The following POU6F2 variants were observed in gnomAD, a reference collection of about 807,000 sequenced individuals.
POU6F2 encodes POU domain, class 6, transcription factor 2.
In POU6F2, 31 loss-of-function variants were observed where a neutral mutation model predicts 71.3. The ratio of observed to expected loss-of-function variants is 0.43; its 90% CI spans 0.33 to 0.59. POU6F2 has a LOEUF of 0.59. Among genes scored for constraint, POU6F2 ranks in the 20% least tolerant of loss-of-function variants. The pLI, the probability that POU6F2 is intolerant of heterozygous loss-of-function variation, is 0.04. For synonymous variants in POU6F2, 347 were observed against 355.7 expected (o/e 0.98, Z 0.27); for missense variants, 783 against 856.8 (o/e 0.91, Z 1.07).
intron 2 of POU6F2, among the ~76,000 whole-genome samples, chr7:39,154,740 C>A (rs1792832780): frequency 6.6e-6 from 1 of 152,024 alleles, no homozygotes; most frequent in Non-Finnish European, 1.5e-5. Flanking sequence ...AAGATGACAA[C>A]TGGGGAAGAG....
chr7:39,118,700 AT>A (rs1562712717), intron 2 of POU6F2, among the ~76,000 whole-genome samples: 2 of 152,224 alleles, frequency 1.3e-5, no homozygotes, highest in East Asian at 3.8e-4. Flanking sequence ...GAACAGACAA[AT>A]GAGAAAGGGA....
intron 4 of POU6F2, among the ~76,000 whole-genome samples, chr7:39,275,743 C>A (rs1269822997): frequency 1.3e-5 from 2 of 151,864 alleles, no homozygotes; most frequent in Non-Finnish European, 2.9e-5. Context: ...TCAGAAATAA[C>A]GCCGCATATC....
At chr7:39,292,562 C>T (rs1784780030) in intron 4 of POU6F2, among the ~76,000 whole-genome samples, 1 of 152,144 alleles carries the variant, frequency 6.6e-6, no homozygotes, top group Non-Finnish European at 1.5e-5. Flanking sequence ...ATAAGGTCTT[C>T]GTTGGCATTT....
At chr7:39,147,052 G>A (rs1310202282) in intron 2 of POU6F2, among the ~76,000 whole-genome samples, 3 of 152,080 alleles carry the variant, frequency 2.0e-5, no homozygotes, top group Non-Finnish European at 4.4e-5. Flanking sequence ...TATACACATA[G>A]AAAAAGTCAT....
At chr7:39,230,852 A>G (rs768124760) in intron 4 of POU6F2, among the ~76,000 whole-genome samples, 22 of 152,288 alleles carry the variant, frequency 1.4e-4, no homozygotes, top group Middle Eastern at 3.4e-3. Context: ...AGCCCCCCCA[A>G]TGCATCCCAA....
intron 5 of POU6F2, among the ~76,000 whole-genome samples, chr7:39,399,274 G>A (rs888305500): frequency 6.6e-6 from 1 of 152,058 alleles, no homozygotes; most frequent in Non-Finnish European, 1.5e-5. Flanking sequence ...TGGAGAACAT[G>A]TCAGTCTGTC....
intron 2 of POU6F2, among the ~76,000 whole-genome samples, chr7:39,203,656 T>TG (rs1367657534): frequency 6.6e-6 from 1 of 152,220 alleles, no homozygotes; most frequent in African/African-American, 2.4e-5. Context: ...CTGGAGCTAT[T>TG]GCGGGATTCC....
In POU6F2 at chr7:39,339,721, TC is replaced by T; in HGVS notation, c.683del (p.Pro228ArgfsTer103). Reference protein sequence around the residue: ...QQQQQQQQQPPPSTNQHPQPA... With the variant: ...QQQQQQQQQPXPSTNQHPQPA... The stretch of plus-strand genomic sequence containing the variant: ...AGCAGCAGCAGCAGCAGCAGCAGCC[TC>T]CCCCGTCAACCAACCAGCACCCGCA... On this transcript the variant is annotated frameshift_variant, in exon 5 of 10. Coordinates refer to ENST00000518318, the MANE Select transcript of POU6F2 (RefSeq NM_001370959.1). LOFTEE classifies it high-confidence loss of function. 1.2e-6 allele frequency: 2 copies of T among 1,603,892 alleles called. No homozygotes were observed.
intron 8 of POU6F2, among the ~76,000 whole-genome samples, chr7:39,454,311 A>C (rs1442758910): frequency 6.6e-6 from 1 of 152,042 alleles, no homozygotes; most frequent in Non-Finnish European, 1.5e-5. Flanking sequence ...TTTTTGTGGC[A>C]GCTGCATCAT....
intron 2 of POU6F2, among the ~76,000 whole-genome samples, chr7:39,092,355 T>G (rs1791376581): frequency 6.6e-6 from 1 of 152,240 alleles, no homozygotes; most frequent in African/African-American, 2.4e-5. Context: ...GGTTCTGTAC[T>G]TAGCTGGTGT....
chr7:39,057,769 G>A (rs905392145), intron 1 of POU6F2, among the ~76,000 whole-genome samples: 2 of 152,106 alleles, frequency 1.3e-5, no homozygotes, highest in South Asian at 2.1e-4. Context: ...AGGCTTTTCA[G>A]TTGACAGTTC....
chr7:39,308,181 G>A (rs1356351490), intron 4 of POU6F2, among the ~76,000 whole-genome samples: 4 of 152,132 alleles, frequency 2.6e-5, no homozygotes, highest in South Asian at 4.1e-4. Flanking sequence ...TGCAAACCAC[G>A]TAAAGACATC....
chr7:39,139,299 C>T (rs1403602289), intron 2 of POU6F2, among the ~76,000 whole-genome samples: 2 of 152,116 alleles, frequency 1.3e-5, no homozygotes, highest in South Asian at 2.1e-4. Flanking sequence ...GCCTTTGCCC[C>T]AGAGAGGCAG....
chr7:39,133,434 G>C (rs922561650), intron 2 of POU6F2, among the ~76,000 whole-genome samples: 1 of 152,232 alleles, frequency 6.6e-6, no homozygotes, highest in South Asian at 2.1e-4. Flanking sequence ...GAGTAGTCAA[G>C]AGAAGAGATG....
intron 4 of POU6F2, among the ~76,000 whole-genome samples, chr7:39,208,697 T>C (rs770692272): frequency 1.3e-5 from 2 of 152,196 alleles, no homozygotes; most frequent in Non-Finnish European, 1.5e-5. Context: ...TCTTGTACCA[T>C]TAAATTGTGC....
intron 4 of POU6F2, among the ~76,000 whole-genome samples, chr7:39,324,272 C>T (rs1484831396): frequency 6.6e-6 from 1 of 152,154 alleles, no homozygotes; most frequent in Non-Finnish European, 1.5e-5. Flanking sequence ...CCCCAAACTT[C>T]CCTGGCTCTC....
intron 2 of POU6F2, among the ~76,000 whole-genome samples, chr7:39,163,016 C>A (rs941999383): frequency 3.9e-5 from 6 of 152,146 alleles, no homozygotes; most frequent in African/African-American, 1.4e-4. Flanking sequence ...CATAGAAGCA[C>A]CTTGTTTTGC....
chr7:39,275,746 C>T (rs1436932332), intron 4 of POU6F2, among the ~76,000 whole-genome samples: 1 of 151,794 alleles, frequency 6.6e-6, no homozygotes, highest in Non-Finnish European at 1.5e-5. Flanking sequence ...GAAATAACGC[C>T]GCATATCTAC....
At chr7:39,014,327 G>T (rs1210060582) in intron 1 of POU6F2, among the ~76,000 whole-genome samples, 1 of 152,108 alleles carries the variant, frequency 6.6e-6, no homozygotes, top group Non-Finnish European at 1.5e-5. Flanking sequence ...GTGAATGAAG[G>T]TCTCTTCCAG....
Sources: gnomAD v4.1 joint callset for allele counts (sites outside exome capture counted in the v4.1 genomes callset) on GRCh38, gnomAD v4.1.1 for gene constraint, MANE v1.5 for transcripts, NCBI Gene and HGNC (gene_info 2026-07-23, HGNC 2026-07-21) for gene names.